ASXL2: variants seen among roughly 807,000 people sequenced by gnomAD.
The protein encoded by ASXL2 is putative Polycomb group protein ASXL2.
A neutral mutation model predicts 122.0 loss-of-function variants in ASXL2; 23 were observed. That is an observed-to-expected ratio of 0.19 (90% CI 0.14 to 0.27). ASXL2 has a LOEUF of 0.27. Ranked by LOEUF, ASXL2 falls within the 10% of genes least tolerant of loss-of-function variation. ASXL2 has a pLI of 1.00. For synonymous variants in ASXL2, 650 were observed against 637.0 expected, an observed-to-expected ratio of 1.02 and a Z score of -0.31; for missense variants, 1,518 against 1,713.8, an observed-to-expected ratio of 0.89 and a Z score of 2.02.
intron 1 of ASXL2, among the ~76,000 whole-genome samples, chr2:25,859,837 C>G (rs1251663051): frequency 6.6e-6 from 1 of 152,130 alleles, no homozygotes; most frequent in Admixed American, 6.5e-5. Context: ...TATTTGGAAA[C>G]TAAACAGCAC....
rs573311753 is a variant in ASXL2 at position 25,769,892 on chromosome 2, C to T, written c.505-1024G>A. 2.0e-5 allele frequency among the ~76,000 whole-genome samples: 3 copies of T among 152,324 alleles called. No individual in the cohort carries two copies. In the South Asian group the frequency reaches 6.2e-4, roughly 32 times the overall value. ...AGGCACAGTGGCAACAAATGATCTCCTCACTCTAAGTTGCCAATGCAGAAA... is the reference window on the plus strand; with the variant it reads ...AGGCACAGTGGCAACAAATGATCTCTTCACTCTAAGTTGCCAATGCAGAAA... On this transcript the variant is annotated intron_variant, in intron 6 of 12. Transcript: ENST00000435504.
chr2:25,783,047 T>C (rs2088671989), intron 5 of ASXL2, among the ~76,000 whole-genome samples: 1 of 152,102 alleles, frequency 6.6e-6, no homozygotes, highest in Non-Finnish European at 1.5e-5. Flanking sequence ...GAGAATCGCT[T>C]GAATCCAGGA....
At chr2:25,767,541 A>C in intron 8 of ASXL2, 42 bp downstream of exon 8, 2 of 1,591,712 alleles carry the variant, frequency 1.3e-6, no homozygotes, top group Non-Finnish European at 1.7e-6. Context: ...GTAGCTGATA[A>C]ATCATGGCAA....
intron 1 of ASXL2, among the ~76,000 whole-genome samples, chr2:25,857,227 A>T (rs1441279203): frequency 6.6e-6 from 1 of 152,088 alleles, no homozygotes; most frequent in Non-Finnish European, 1.5e-5. Context: ...AAGAGAACAC[A>T]GAGAAAAAGC....
At chr2:25,812,515 G>A (rs1457894963) in intron 3 of ASXL2, among the ~76,000 whole-genome samples, 4 of 152,088 alleles carry the variant, frequency 2.6e-5, no homozygotes, top group African/African-American at 4.8e-5. Context: ...TGCTGACAAG[G>A]TTATGGGCAA....
chr2:25,826,038 G>C (rs553248185), intron 3 of ASXL2, among the ~76,000 whole-genome samples: 1 of 152,130 alleles, frequency 6.6e-6, no homozygotes, highest in Non-Finnish European at 1.5e-5. Flanking sequence ...AGCATACAAC[G>C]TGGTGGGCGG....
At position 25,878,455 on chromosome 2, in the gene ASXL2, T is replaced by C; in HGVS notation, c.-233A>G. ...CTGCTACCGCCGCTGCCATATTGGG[T>C]TCTTACTGTACAGGCTGCCGCTACG... On this transcript the variant is annotated 5_prime_UTR_variant, in exon 1 of 13. Transcript: ENST00000435504. The C allele has an allele frequency of 1.7e-6, 1 of 582,600 alleles. No individual in the cohort carries two copies. The highest frequency in any genetic ancestry group is 3.1e-6 in the Non-Finnish European group (1 of 327,052). 36.1% of individuals were successfully genotyped at this position (582,600 alleles called of 1,614,324 possible). A position where few individuals can be genotyped will look rare whatever the true frequency, so the allele number is the denominator to read the frequency against.
intron 1 of ASXL2, among the ~76,000 whole-genome samples, chr2:25,875,394 G>A (rs2149205657): frequency 6.6e-6 from 1 of 152,196 alleles, no homozygotes; most frequent in East Asian, 1.9e-4. Context: ...CTTGAGACCA[G>A]AAGTTCAAGG....
rs192753378 is a variant in ASXL2, at chr2:25,869,440, A to G, written c.57+8726T>C. On this transcript the variant is annotated intron_variant, in intron 1 of 12. Coordinates refer to ENST00000435504, the MANE Select transcript of ASXL2 (RefSeq NM_018263.6). ...AGAAACTCAGTTAAGGTCTGCAAGT[A>G]AAAACACTTTAAAAGAAAGTCTGTC... Among the ~76,000 whole-genome samples, 19 of 152,354 alleles carry G rather than the reference A, an allele frequency of 1.2e-4. No homozygotes were observed. In the East Asian group the frequency reaches 3.7e-3, roughly 29 times the overall value.
chr2:25,766,923 T>A (rs1394403026), intron 8 of ASXL2, among the ~76,000 whole-genome samples: 1 of 152,186 alleles, frequency 6.6e-6, no homozygotes, highest in Admixed American at 6.5e-5. Context: ...CTGTAATACA[T>A]TGTATCTCCA....
Position 25,759,538 on chromosome 2 carries a change from G to C in ASXL2, c.883C>G (p.Leu295Val), listed in dbSNP as rs2149146452. Residue 295 changes from leucine to valine, a missense_variant, in exon 9 of 13, where the codon CTT becomes GTT. Leu to Val is a conservative substitution (Grantham distance 32). Coordinates refer to ENST00000435504, the MANE Select transcript of ASXL2 (RefSeq NM_018263.6). Reference sequence around the variant, plus strand: ...AGTCGTTGCTGGCAATCTCCAGGAAGGACTGAAAATGTGTGCTTGTTGATC... The same window carrying C: ...AGTCGTTGCTGGCAATCTCCAGGAACGACTGAAAATGTGTGCTTGTTGATC... Reference protein sequence around the residue: ...ALINKHTFSVLPGDCQQRLLL... With the variant: ...ALINKHTFSVVPGDCQQRLLL... The C allele has an allele frequency of 6.2e-7, 1 of 1,613,934 alleles. No homozygotes were observed. The highest frequency in any genetic ancestry group is 8.5e-7 in the Non-Finnish European group (1 of 1,179,872).
At chr2:25,846,950 A>G (rs2089657187) in intron 1 of ASXL2, among the ~76,000 whole-genome samples, 1 of 152,258 alleles carries the variant, frequency 6.6e-6, no homozygotes, top group African/African-American at 2.4e-5. Context: ...TTATCAGACA[A>G]AAGTAGCTAT....
chr2:25,812,183 C>T (rs1242140091), intron 3 of ASXL2, among the ~76,000 whole-genome samples: 5 of 149,664 alleles, frequency 3.3e-5, no homozygotes, highest in African/African-American at 9.8e-5. Context: ...AAAAGGCTGG[C>T]CGCAGTGGCT....
intron 1 of ASXL2, among the ~76,000 whole-genome samples, chr2:25,850,839 C>T (rs1020380155): frequency 6.6e-6 from 1 of 152,058 alleles, no homozygotes; most frequent in African/African-American, 2.4e-5. Flanking sequence ...ACCCGAGGTA[C>T]AATTCATATT....
chr2:25,831,431 C>T (rs749918324), intron 3 of ASXL2, among the ~76,000 whole-genome samples: 1 of 152,154 alleles, frequency 6.6e-6, no homozygotes, highest in Non-Finnish European at 1.5e-5. Flanking sequence ...GAGGGCAAGG[C>T]AGGCAAACTG....
chr2:25,815,140 G>A (rs1037309492), intron 3 of ASXL2, among the ~76,000 whole-genome samples: 5 of 152,108 alleles, frequency 3.3e-5, no homozygotes, highest in African/African-American at 1.2e-4. Context: ...CCACTCTGAA[G>A]CCAGAGTAAC....
chr2:25,843,996 C>T (rs1282752383), intron 2 of ASXL2, among the ~76,000 whole-genome samples: 1 of 152,000 alleles, frequency 6.6e-6, no homozygotes, highest in African/African-American at 2.4e-5. Context: ...TGTGAAGCAA[C>T]GTCCAACACA....
chr2:25,829,836 G>A (rs2089429888), intron 3 of ASXL2, among the ~76,000 whole-genome samples: 1 of 152,216 alleles, frequency 6.6e-6, no homozygotes, highest in Non-Finnish European at 1.5e-5. Context: ...AGCCCAGGAA[G>A]CCTCTTTGTC....
rs1553704758 is a variant in ASXL2, at chr2:25,842,703, T to TATATAG, written c.140+2777_140+2778insCTATAT. On this transcript the variant is annotated intron_variant, in intron 2 of 12. Transcript: ENST00000435504. ...TTCTTCAAGTGTGTGTATATATATATATAGATAGATAGATAGATAGATGTA... is the reference window on the plus strand; with the variant it reads ...TTCTTCAAGTGTGTGTATATATATATATATAGATAGATAGATAGATAGATAGATGTA... 3.3e-3 allele frequency among the ~76,000 whole-genome samples: 492 copies of TATATAG among 150,262 alleles called. 2 individuals carry two copies. The highest frequency in any genetic ancestry group is 9.7e-3 in the African/African-American group (398 of 40,986).
Sources: allele counts gnomAD v4.1 joint callset (sites outside exome capture counted in the v4.1 genomes callset), GRCh38; gene constraint gnomAD v4.1.1; transcripts MANE v1.5; gene names NCBI Gene and HGNC (gene_info 2026-07-23, HGNC 2026-07-21).